Variants in SV2C observed in about 807,000 individuals in gnomAD.
The protein encoded by SV2C is synaptic vesicle glycoprotein 2C.
In SV2C, 49 loss-of-function variants were observed where a neutral mutation model predicts 79.7. The observed-to-expected ratio is 0.61, with a 90% CI of 0.49 to 0.78. The LOEUF (loss-of-function observed/expected upper bound fraction) is 0.78. Ranked by LOEUF, SV2C falls within the 30% of genes least tolerant of loss-of-function variation. The pLI is 0.00. For missense variants in SV2C, 833 were observed against 912.9 expected (o/e 0.91, Z 1.13); for synonymous variants, 334 against 333.2 (o/e 1.00, Z -0.03).
At chr5:76,109,072 C>T (rs879702064) in intron 1 of SV2C, among the ~76,000 whole-genome samples, 2 of 152,122 alleles carry the variant, frequency 1.3e-5, no homozygotes, top group Admixed American at 6.5e-5. Context: ...GGAGGAGATT[C>T]AGAAGAAGAA....
At chr5:76,073,740 A>T in the SV2C span, among the ~76,000 whole-genome samples, 2 of 151,584 alleles carry the variant, frequency 1.3e-5, no homozygotes, top group Non-Finnish European at 2.9e-5. Context: ...GACTTTAAGG[A>T]CTCAGGCAAA....
the SV2C span, among the ~76,000 whole-genome samples, chr5:75,855,769 C>A: frequency 6.6e-6 from 1 of 152,156 alleles, no homozygotes; most frequent in Non-Finnish European, 1.5e-5. Flanking sequence ...GGATATCCAT[C>A]CTCTCAAGCA....
At chr5:75,923,411 A>G in the SV2C span, among the ~76,000 whole-genome samples, 3 of 152,214 alleles carry the variant, frequency 2.0e-5, no homozygotes, top group African/African-American at 7.2e-5. Context: ...AAAAACAACA[A>G]CAACAAAACA....
the SV2C span, among the ~76,000 whole-genome samples, chr5:75,980,604 G>GA: frequency 2.5e-4 from 38 of 151,328 alleles, no homozygotes; most frequent in South Asian, 2.9e-3. Flanking sequence ...AGAACTAAAG[G>GA]AAAAAAAATA....
At chr5:75,847,526 A>T in the SV2C span, among the ~76,000 whole-genome samples, 1 of 152,212 alleles carries the variant, frequency 6.6e-6, no homozygotes, top group Non-Finnish European at 1.5e-5. Flanking sequence ...TGGAATATCT[A>T]CTGTTGGTGT....
the SV2C span, among the ~76,000 whole-genome samples, chr5:76,026,297 G>T: frequency 6.6e-6 from 1 of 151,846 alleles, no homozygotes; most frequent in Non-Finnish European, 1.5e-5. Flanking sequence ...TAGGCACAGT[G>T]AAGTGTGCAA....
chr5:76,040,128 A>G, the SV2C span, among the ~76,000 whole-genome samples: 2 of 152,236 alleles, frequency 1.3e-5, no homozygotes, highest in East Asian at 3.8e-4. Flanking sequence ...AACTTTTAAC[A>G]GTAAAACACA....
chr5:76,321,886 G>A (rs901605902), intron 12 of SV2C, among the ~76,000 whole-genome samples: 2 of 152,072 alleles, frequency 1.3e-5, no homozygotes, highest in Non-Finnish European at 2.9e-5. Context: ...ATCTTAAAGA[G>A]AGGGAACAAG....
intron 12 of SV2C, among the ~76,000 whole-genome samples, chr5:76,317,401 T>C (rs1433940528): frequency 6.6e-6 from 1 of 152,004 alleles, no homozygotes; most frequent in Non-Finnish European, 1.5e-5. Context: ...AAAAAGCTTA[T>C]TTCCAAAAAT....
the SV2C span, among the ~76,000 whole-genome samples, chr5:76,035,837 A>G: frequency 6.6e-6 from 1 of 152,024 alleles, no homozygotes; most frequent in Non-Finnish European, 1.5e-5. Flanking sequence ...TCTAATGTTG[A>G]CAGTGGGGTG....
At chr5:75,858,823 C>T in the SV2C span, among the ~76,000 whole-genome samples, 1 of 151,838 alleles carries the variant, frequency 6.6e-6, no homozygotes, top group Non-Finnish European at 1.5e-5. Context: ...ATGGTTCACT[C>T]TTGGTAGGTT....
At chr5:75,866,464 A>G in the SV2C span, among the ~76,000 whole-genome samples, 37,862 of 152,098 alleles carry the variant, frequency 0.25, 6,862 homozygotes, top group African/African-American at 0.51. Context: ...TATTTTATCA[A>G]CGAGGAAACT....
the SV2C span, among the ~76,000 whole-genome samples, chr5:76,023,309 G>A: frequency 8.5e-5 from 13 of 152,286 alleles, no homozygotes; most frequent in Non-Finnish European, 1.8e-4. Context: ...CCCGTGGGAT[G>A]AGATACTTTG....
At chr5:76,317,039 GA>G (rs34330865) in intron 12 of SV2C, among the ~76,000 whole-genome samples, 15,201 of 151,328 alleles carry the variant, frequency 0.1, 812 homozygotes, top group Admixed American at 0.15. Flanking sequence ...ATATGAATAT[GA>G]AAAAAACGCA....
chr5:76,262,621 G>A (rs1316196975), intron 4 of SV2C, among the ~76,000 whole-genome samples: 1 of 152,130 alleles, frequency 6.6e-6, no homozygotes, highest in African/African-American at 2.4e-5. Context: ...AGAGATTCTG[G>A]TACATTGTCT....
chr5:76,247,560 A>G (rs1356718681), intron 4 of SV2C, among the ~76,000 whole-genome samples: 1 of 152,224 alleles, frequency 6.6e-6, no homozygotes, highest in Non-Finnish European at 1.5e-5. Context: ...ATTATGAATT[A>G]TTACTGCTGG....
the SV2C span, among the ~76,000 whole-genome samples, chr5:75,939,576 A>G: frequency 4.6e-5 from 7 of 152,132 alleles, no homozygotes; most frequent in East Asian, 7.7e-4. Flanking sequence ...GACATTGTCT[A>G]TTGAACCTCC....
At chr5:76,096,489 A>G (rs972803768) in intron 1 of SV2C, among the ~76,000 whole-genome samples, 1 of 152,174 alleles carries the variant, frequency 6.6e-6, no homozygotes, top group African/African-American at 2.4e-5. Flanking sequence ...GTCTAGACTG[A>G]GCATGGCTGG....
chr5:75,973,796 G>C, the SV2C span, among the ~76,000 whole-genome samples: 1 of 152,026 alleles, frequency 6.6e-6, no homozygotes, highest in Non-Finnish European at 1.5e-5. Flanking sequence ...ATGATGTATG[G>C]TGTCTAGTAT....
Sources: gnomAD v4.1 joint callset for allele counts (sites outside exome capture counted in the v4.1 genomes callset) on GRCh38, gnomAD v4.1.1 for gene constraint, MANE v1.5 for transcripts, NCBI Gene and HGNC (gene_info 2026-07-23, HGNC 2026-07-21) for gene names.